The following PTPRD variants were observed in gnomAD, a reference collection of about 807,000 sequenced individuals.
PTPRD encodes the protein receptor-type tyrosine-protein phosphatase delta.
PTPRD carries 34 observed loss-of-function variants against 214.5 expected under a neutral mutation model. That is an observed-to-expected ratio of 0.16 (90% CI 0.12 to 0.21). The LOEUF (loss-of-function observed/expected upper bound fraction) is 0.21, where lower values mean the gene tolerates loss of function less well. PTPRD is among the 10% of genes least tolerant of loss of function. PTPRD has a pLI of 1.00. For missense variants in PTPRD, 2,545 were observed against 2,398.7 expected (o/e 1.06, Z -1.27); for synonymous variants, 1,128 against 845.7 (o/e 1.33, Z -5.79).
At chr9:8,772,120 C>A (rs78169736) in intron 11 of PTPRD, among the ~76,000 whole-genome samples, 1 of 151,384 alleles carries the variant, frequency 6.6e-6, no homozygotes, top group Admixed American at 6.6e-5. Context: ...TAAAAAAAAA[C>A]TATTCCTTCC....
intron 7 of PTPRD, among the ~76,000 whole-genome samples, chr9:9,617,224 T>A (rs1251548939): frequency 1.3e-5 from 2 of 152,110 alleles, no homozygotes; most frequent in East Asian, 3.8e-4. Flanking sequence ...GGAACCAGAA[T>A]GGATAAACTG....
At chr9:9,089,042 C>T (rs78438468) in intron 10 of PTPRD, among the ~76,000 whole-genome samples, 1 of 152,042 alleles carries the variant, frequency 6.6e-6, no homozygotes, top group South Asian at 2.1e-4. Flanking sequence ...TTTTTACCCC[C>T]TAGTAAAAAG....
At chr9:10,327,753 T>C (rs1034438210) in intron 3 of PTPRD, among the ~76,000 whole-genome samples, 2 of 151,746 alleles carry the variant, frequency 1.3e-5, no homozygotes, top group Admixed American at 1.3e-4. Flanking sequence ...AAAAAGTGAA[T>C]ACTCATTTTC....
intron 10 of PTPRD, among the ~76,000 whole-genome samples, chr9:9,141,114 C>A (rs996800900): frequency 3.3e-5 from 5 of 151,226 alleles, no homozygotes; most frequent in Non-Finnish European, 5.9e-5. Flanking sequence ...TCTTCCTTCT[C>A]CTCTTCTTCT....
At chr9:8,537,220 G>C (rs549057983) in intron 14 of PTPRD, among the ~76,000 whole-genome samples, 3 of 151,914 alleles carry the variant, frequency 2.0e-5, no homozygotes, top group African/African-American at 7.2e-5. Flanking sequence ...CCGTTTTCTA[G>C]CAAAGTTGGG....
chr9:10,388,630 C>G (rs561853291), intron 2 of PTPRD, among the ~76,000 whole-genome samples: 8 of 151,792 alleles, frequency 5.3e-5, no homozygotes, highest in Non-Finnish European at 8.8e-5. Flanking sequence ...ACTATAATGA[C>G]AAAAGGAAGG....
rs138965327 is a variant in PTPRD, at chr9:9,011,681, A to G, written c.-104+7016T>C. Among the ~76,000 whole-genome samples, 734 of 152,284 alleles carry G rather than the reference A, an allele frequency of 4.8e-3. 8 individuals carry two copies. The highest frequency in any genetic ancestry group is 0.017 in the African/African-American group (707 of 41,558). ...AGTAAACTAGTATAATGATAACTCT[A>G]CACCCTACAGCTCTTTCAACAAATA... On this transcript the variant is annotated intron_variant, in intron 11 of 45. Coordinates refer to ENST00000381196, the MANE Select transcript of PTPRD (RefSeq NM_002839.4).
At chr9:10,266,112 T>A (rs2154379226) in intron 3 of PTPRD, among the ~76,000 whole-genome samples, 1 of 152,256 alleles carries the variant, frequency 6.6e-6, no homozygotes, top group Non-Finnish European at 1.5e-5. Context: ...CATGCACACA[T>A]GTGCTTACAC....
chr9:9,110,420 T>A (rs1569544905), intron 10 of PTPRD, among the ~76,000 whole-genome samples: 1 of 152,182 alleles, frequency 6.6e-6, no homozygotes, highest in Non-Finnish European at 1.5e-5. Flanking sequence ...GTCCTCTTGG[T>A]GACTCTGTTG....
chr9:9,963,408 G>C (rs900335909), intron 4 of PTPRD, among the ~76,000 whole-genome samples: 1 of 142,722 alleles, frequency 7.0e-6, no homozygotes, highest in African/African-American at 3.0e-5. Flanking sequence ...AGTGTAAATA[G>C]TTTCTCCTTT....
intron 9 of PTPRD, among the ~76,000 whole-genome samples, chr9:9,256,094 A>C (rs1426470692): frequency 2.0e-5 from 3 of 152,042 alleles, no homozygotes; most frequent in African/African-American, 7.2e-5. Flanking sequence ...CAGTGTTAAC[A>C]ATAAGAAAAA....
At chr9:10,388,196 G>T (rs1332326850) in intron 2 of PTPRD, among the ~76,000 whole-genome samples, 1 of 151,762 alleles carries the variant, frequency 6.6e-6, no homozygotes, top group Admixed American at 6.6e-5. Context: ...TATAATATGG[G>T]TATTTGTAAG....
At chr9:9,937,725 T>C (rs554711739) in intron 5 of PTPRD, among the ~76,000 whole-genome samples, 7 of 152,262 alleles carry the variant, frequency 4.6e-5, no homozygotes, top group African/African-American at 1.7e-4. Flanking sequence ...TTTGAAACTG[T>C]GGAAGACAGA....
chr9:9,916,935 G>A (rs2081008539), intron 5 of PTPRD, among the ~76,000 whole-genome samples: 1 of 151,392 alleles, frequency 6.6e-6, no homozygotes, highest in Non-Finnish European at 1.5e-5. Flanking sequence ...ACAAATTAAT[G>A]GAAATTAAAC....
intron 11 of PTPRD, among the ~76,000 whole-genome samples, chr9:8,935,010 C>CTT (rs2098986996): frequency 6.6e-6 from 1 of 151,860 alleles, no homozygotes; most frequent in South Asian, 2.1e-4. Context: ...TGTATATATA[C>CTT]TTATATATAC....
chr9:8,807,219 C>T (rs140307404), intron 11 of PTPRD, among the ~76,000 whole-genome samples: 3,967 of 152,146 alleles, frequency 0.026, 124 homozygotes, highest in East Asian at 0.083. Flanking sequence ...TGCCTGTAAT[C>T]CCAGCTACTT....
intron 12 of PTPRD, among the ~76,000 whole-genome samples, chr9:8,672,074 G>A (rs1374390210): frequency 1.3e-5 from 2 of 152,098 alleles, no homozygotes; most frequent in African/African-American, 2.4e-5. Flanking sequence ...TCATACATGT[G>A]TTAAATTATC....
intron 9 of PTPRD, among the ~76,000 whole-genome samples, chr9:9,376,755 G>A (rs976391027): frequency 6.6e-6 from 1 of 152,132 alleles, no homozygotes; most frequent in East Asian, 1.9e-4. Context: ...TTATTATAAA[G>A]CAGTATAACA....
chr9:9,080,467 T>A (rs1254227427), intron 10 of PTPRD, among the ~76,000 whole-genome samples: 1 of 152,134 alleles, frequency 6.6e-6, no homozygotes, highest in Non-Finnish European at 1.5e-5. Flanking sequence ...ATAGACCCTT[T>A]ACAACTTTAG....
Sources: allele counts gnomAD v4.1 joint callset (sites outside exome capture counted in the v4.1 genomes callset), GRCh38; gene constraint gnomAD v4.1.1; transcripts MANE v1.5; gene names NCBI Gene and HGNC (gene_info 2026-07-23, HGNC 2026-07-21).